The following TNK2 variants were observed in gnomAD, a reference collection of about 807,000 sequenced individuals.
TNK2 encodes the protein tyrosine kinase non receptor 2, also known as activated CDC42 kinase 1.
In TNK2, 83 loss-of-function variants were observed where a neutral mutation model predicts 101.8. The observed-to-expected ratio is 0.82, with a 90% confidence interval of 0.68 to 0.98. The LOEUF is 0.98. Ranked by LOEUF, TNK2 falls within the 50% of genes least tolerant of loss-of-function variation. The probability of loss-of-function intolerance (pLI) is 0.00; values close to 1 mark genes in which losing one functional copy is unlikely to be tolerated. For missense variants in TNK2, 1,665 were observed against 1,483.2 expected, an observed-to-expected ratio of 1.12 and a Z score of -2.01; for synonymous variants, 804 against 633.0, an observed-to-expected ratio of 1.27 and a Z score of -4.06.
At chr3:195,870,609 C>A (rs1459099804) in intron 10 of TNK2, among the ~76,000 whole-genome samples, 7 of 152,232 alleles carry the variant, frequency 4.6e-5, no homozygotes, top group African/African-American at 1.7e-4. Flanking sequence ...GCAGGAGGCA[C>A]CCTTCTGCCA....
At chr3:195,880,436 G>T (rs1350972424) in intron 6 of TNK2, among the ~76,000 whole-genome samples, 1 of 122,264 alleles carries the variant, frequency 8.2e-6, no homozygotes, top group African/African-American at 3.3e-5. Flanking sequence ...CCTTGAAGAG[G>T]ACACAGCATA....
chr3:195,880,680 A>G (rs867296644), intron 6 of TNK2, among the ~76,000 whole-genome samples: 16 of 99,284 alleles, frequency 1.6e-4, no homozygotes, highest in Non-Finnish European at 1.8e-4. Context: ...TAACTCAGCA[A>G]TGACCCTCGG....
At chr3:195,907,255 G>A (rs1247764298) in intron 1 of TNK2, among the ~76,000 whole-genome samples, 4 of 152,232 alleles carry the variant, frequency 2.6e-5, no homozygotes, top group African/African-American at 4.8e-5. Flanking sequence ...TCCGGTGCAT[G>A]AGTGTTTGGG....
intron 1 of TNK2, among the ~76,000 whole-genome samples, chr3:195,898,822 C>T (rs941468352): frequency 1.3e-5 from 2 of 152,182 alleles, no homozygotes; most frequent in South Asian, 2.1e-4. Flanking sequence ...CGGCTGGGCC[C>T]GGTGGCTCAC....
Position 195,901,433 on chromosome 3 carries a change from A to G in TNK2, c.-19+7052T>C, listed in dbSNP as rs533427038. 7.9e-5 allele frequency among the ~76,000 whole-genome samples: 12 copies of G among 152,208 alleles called. No homozygotes were observed. The East Asian group carries it at 2.1e-3, about 27-fold the overall frequency. Reference sequence around the variant, plus strand: ...GGACAGAGAGAAACAGAGGAGTCCAATGTTGGCAGACACAGTATACAGGGG... The same window carrying G: ...GGACAGAGAGAAACAGAGGAGTCCAGTGTTGGCAGACACAGTATACAGGGG... On this transcript the variant is annotated intron_variant, in intron 1 of 15. Coordinates refer to ENST00000672887, the MANE Select transcript of TNK2 (RefSeq NM_001382273.1).
intron 1 of TNK2, chr3:195,892,879 C>A (rs1029907195): frequency 2.5e-5 from 11 of 437,020 alleles, no homozygotes; most frequent in Non-Finnish European, 3.4e-5. Context: ...TGAAAAAGGA[C>A]CTTTCTGAAT....
chr3:195,894,997 G>A (rs1378843369), intron 1 of TNK2, among the ~76,000 whole-genome samples: 2 of 152,174 alleles, frequency 1.3e-5, no homozygotes, highest in African/African-American at 2.4e-5. Flanking sequence ...GACTCCCTTG[G>A]GGCATGGAAG....
intron 9 of TNK2, 181 bp from the exon 10 acceptor site, chr3:195,872,651 C>A (rs1003719612): frequency 9.6e-6 from 6 of 625,606 alleles, no homozygotes; most frequent in Non-Finnish European, 1.4e-5. Context: ...CCCGTACAGG[C>A]CTGTTTGCAC....
chr3:195,878,673 C>A lies in TNK2; in HGVS notation c.1015-81G>T, dbSNP rs932432922. On this transcript the variant is annotated intron_variant, in intron 7 of 15. Coordinates refer to ENST00000672887, the MANE Select transcript of TNK2 (RefSeq NM_001382273.1). The surrounding 1 kb of genome is among the most constrained non-coding windows in gnomAD (Gnocchi z 4.7). ...TCCCGCCTTCCCTCCAGCCCATCCA[C>A]AGCTGCAGCGGCTGCTGCCATGCCT... 2 of 1,538,732 alleles carry A rather than the reference C, an allele frequency of 1.3e-6. No individual in the cohort carries two copies. Among genetic ancestry groups the A allele is most frequent in the Non-Finnish European group, 1.8e-6 (2 of 1,141,966 alleles).
intron 12 of TNK2, 159 bp from the exon 13 acceptor site, chr3:195,868,868 A>C: frequency 4.5e-5 from 37 of 815,252 alleles, no homozygotes; most frequent in Non-Finnish European, 6.4e-5. Context: ...CCAGGTTCTC[A>C]GCGCACCTCC....
chr3:195,904,194 G>A (rs918936142), intron 1 of TNK2, among the ~76,000 whole-genome samples: 2 of 151,192 alleles, frequency 1.3e-5, no homozygotes, highest in African/African-American at 4.9e-5. Flanking sequence ...GGAAGTCGAG[G>A]TTGCAGTGAG....
At chr3:195,892,790 G>T in intron 1 of TNK2, 1 of 1,059,472 alleles carries the variant, frequency 9.4e-7, no homozygotes, top group African/African-American at 3.6e-5. Context: ...CCAACTGCCC[G>T]CCCGGCCGCC....
At position 195,888,556 on chromosome 3, in the gene TNK2, C is replaced by T. The variant is rs760582966; in HGVS notation, c.33G>A (p.Leu11=). 1.9e-6 allele frequency: 3 copies of T among 1,612,286 alleles called. No individual in the cohort carries two copies. The highest frequency in any genetic ancestry group is 2.5e-6 in the Non-Finnish European group (3 of 1,179,866). ...GCAGCTGCACCTCGGACAGCAGCTC[C>T]AGCAGCCAGCCTGTGCCCTCCTCTG... MQPEEGTGWL[L]ELLSEVQLQQ... is the part of the protein sequence containing the mutation. The change falls in exon 2 of 16, where the codon CTG becomes CTA. Residue 11 remains leucine (L), a synonymous_variant. Coordinates refer to ENST00000672887, the MANE Select transcript of TNK2 (RefSeq NM_001382273.1). The surrounding 1 kb of genome is among the most constrained non-coding windows in gnomAD (Gnocchi z 5.3).
chr3:195,905,845 A>ATGG (rs1387848400), intron 1 of TNK2, among the ~76,000 whole-genome samples: 5 of 152,236 alleles, frequency 3.3e-5, no homozygotes, highest in Admixed American at 1.3e-4. Flanking sequence ...TGCACTACTG[A>ATGG]TCATGAGAAT....
In TNK2 at chr3:195,886,863, C is replaced by T; in HGVS notation, c.234+114G>A. On this transcript the variant is annotated intron_variant, in intron 3 of 15. Coordinates refer to ENST00000672887, the MANE Select transcript of TNK2 (RefSeq NM_001382273.1). The surrounding 1 kb of genome is among the most constrained non-coding windows in gnomAD (Gnocchi z 4.2). ...GAGGGGGTCCTGTACAAAGTGCCGG[C>T]AGAACGGCGAGATTCGACCTGCCGG... 2 of 1,178,566 alleles carry T rather than the reference C, an allele frequency of 1.7e-6. No individual in the cohort carries two copies. Among genetic ancestry groups the T allele is most frequent in the Non-Finnish European group, 2.5e-6 (2 of 786,760 alleles). 73.0% of individuals were successfully genotyped at this position (1,178,566 alleles called of 1,614,324 possible).
chr3:195,905,349 G>A (rs1265928369), intron 1 of TNK2, among the ~76,000 whole-genome samples: 5 of 152,062 alleles, frequency 3.3e-5, no homozygotes, highest in East Asian at 3.9e-4. Context: ...ACAGGTGCCC[G>A]CCACCACGCC....
chr3:195,875,981 C>A (rs995680046), intron 9 of TNK2, among the ~76,000 whole-genome samples: 1 of 152,198 alleles, frequency 6.6e-6, no homozygotes, highest in Non-Finnish European at 1.5e-5. Context: ...CTGTTCAAAA[C>A]GCCCGCCCGC....
Position 195,868,064 on chromosome 3 carries a change from C to T in TNK2, c.2234G>A (p.Ser745Asn). 6.2e-7 allele frequency: 1 copy of T among 1,604,926 alleles called. No homozygotes were observed. The highest frequency in any genetic ancestry group is 8.5e-7 in the Non-Finnish European group (1 of 1,177,490). The change falls in exon 13 of 16, where the codon AGC (serine) becomes AAC (asparagine). Residue 745 changes from serine to asparagine, a missense_variant. Transcript: ENST00000672887. ...CTGGGGCTTGTCGTCACCCCCCGGG[C>T]TGGGAGAGGGGGCCGGGGAGCCGGC... is the stretch of plus-strand genomic sequence containing the variant. Reference protein sequence around the residue: ...APAGSPAPSPSPGGDDKPQVP... With the variant: ...APAGSPAPSPNPGGDDKPQVP...
At chr3:195,867,080 G>A (rs983679681) in intron 14 of TNK2, 64 bp from the exon 15 acceptor site, 71 of 1,608,092 alleles carry the variant, frequency 4.4e-5, no homozygotes, top group Non-Finnish European at 5.7e-5. Context: ...GGGGAAGAGG[G>A]GAGTCGGAGC....
Sources: allele counts gnomAD v4.1 joint callset (sites outside exome capture counted in the v4.1 genomes callset), GRCh38; gene constraint gnomAD v4.1.1; non-coding constraint Gnocchi (gnomAD v3.1); transcripts MANE v1.5; gene names NCBI Gene and HGNC (gene_info 2026-07-23, HGNC 2026-07-21).